Variants in DENND1A observed in about 807,000 individuals in gnomAD.
DENND1A encodes DENN domain-containing protein 1A.
In DENND1A, 51 loss-of-function variants were observed where a neutral mutation model predicts 113.7. The observed-to-expected ratio is 0.45, with a 90% CI of 0.36 to 0.57. DENND1A has a LOEUF of 0.57. DENND1A is among the 20% of genes least tolerant of loss of function. The probability of loss-of-function intolerance (pLI) is 0.00; values close to 1 mark genes in which losing one functional copy is unlikely to be tolerated. For missense variants in DENND1A, 1,258 were observed against 1,395.9 expected, an observed-to-expected ratio of 0.90 and a Z score of 1.57; for synonymous variants, 565 against 570.8, an observed-to-expected ratio of 0.99 and a Z score of 0.14.
intron 2 of DENND1A, among the ~76,000 whole-genome samples, chr9:123,852,431 T>C (rs1011855966): frequency 2.6e-5 from 4 of 152,172 alleles, no homozygotes; most frequent in Non-Finnish European, 5.9e-5. Flanking sequence ...CTGTCTCTAT[T>C]TATCCCAAAT....
At chr9:123,384,748 G>A (rs940080757) in intron 22 of DENND1A, among the ~76,000 whole-genome samples, 5 of 152,168 alleles carry the variant, frequency 3.3e-5, no homozygotes, top group African/African-American at 1.2e-4. Context: ...AGGAGTTCGA[G>A]ACCAGCCTGA....
intron 10 of DENND1A, among the ~76,000 whole-genome samples, chr9:123,619,026 C>T (rs1295278440): frequency 1.3e-5 from 2 of 152,210 alleles, no homozygotes; most frequent in South Asian, 2.1e-4. Flanking sequence ...CAGCTCACTG[C>T]AACCTCCACC....
chr9:123,664,345 TTC>T lies in DENND1A; in HGVS notation c.507+2679_507+2680del, dbSNP rs2063392500. On this transcript the variant is annotated intron_variant, in intron 8 of 23. Transcript: ENST00000394215. Reference sequence around the variant, plus strand: ...ATCATTTGTCTTTTTCTAGAAAATTTTCTCTTTTCACAATCTTTAAATTTATT... The same window carrying T: ...ATCATTTGTCTTTTTCTAGAAAATTTTCTTTTCACAATCTTTAAATTTATT... Among the ~76,000 whole-genome samples, 3 of 152,182 alleles carry T rather than the reference TTC, an allele frequency of 2.0e-5. No individual in the cohort carries two copies. The South Asian group carries it at 6.2e-4, about 32-fold the overall frequency.
rs543700124 is a variant in DENND1A at position 123,810,334 on chromosome 9, G to C, written c.89-17704C>G. Among the ~76,000 whole-genome samples, 3 of 152,228 alleles carry C rather than the reference G, an allele frequency of 2.0e-5. No individual in the cohort carries two copies. The South Asian group carries it at 6.2e-4, about 32-fold the overall frequency. On this transcript the variant is annotated intron_variant, in intron 2 of 23. Coordinates refer to ENST00000394215, the MANE Select transcript of DENND1A (RefSeq NM_001352964.2). ...ACTCTGCATCCATGCTGACTGACAG[G>C]TGAGATGCCAGGGCTTGAGAAGCAG...
chr9:123,685,492 A>G (rs554089322), intron 5 of DENND1A, among the ~76,000 whole-genome samples: 1 of 152,350 alleles, frequency 6.6e-6, no homozygotes, highest in Non-Finnish European at 1.5e-5. Flanking sequence ...AACTCCCATA[A>G]AACATCTGTG....
chr9:123,682,293 T>TTCTA (rs1248532157), intron 5 of DENND1A, among the ~76,000 whole-genome samples: 2 of 152,346 alleles, frequency 1.3e-5, no homozygotes, highest in East Asian at 3.9e-4. Flanking sequence ...GATGATACAA[T>TTCTA]GAAGCAGTGC....
intron 1 of DENND1A, among the ~76,000 whole-genome samples, chr9:123,904,048 A>G (rs1353913599): frequency 2.0e-5 from 3 of 152,058 alleles, no homozygotes; most frequent in Non-Finnish European, 2.9e-5. Flanking sequence ...CTGCCTCCTC[A>G]AGTGGTTCCC....
chr9:123,762,316 G>A (rs936440808), intron 4 of DENND1A, among the ~76,000 whole-genome samples: 7 of 152,206 alleles, frequency 4.6e-5, no homozygotes, highest in Admixed American at 6.5e-5. Context: ...GTAGCTTCCC[G>A]TGCCTAGGTG....
At chr9:123,494,713 CTA>C (rs2051704661) in intron 13 of DENND1A, among the ~76,000 whole-genome samples, 1 of 152,202 alleles carries the variant, frequency 6.6e-6, no homozygotes, top group Admixed American at 6.5e-5. Context: ...CACCTTCTAA[CTA>C]TTCAATAAGC....
chr9:123,609,568 A>T (rs2060319636), intron 10 of DENND1A, 87 bp from the exon 11 acceptor site: 2 of 1,480,522 alleles, frequency 1.4e-6, no homozygotes, highest in African/African-American at 1.4e-5. Flanking sequence ...TTGGAGAAAA[A>T]CTGTTTTAAT....
At chr9:123,860,150 G>A (rs1224621692) in intron 2 of DENND1A, among the ~76,000 whole-genome samples, 1 of 152,168 alleles carries the variant, frequency 6.6e-6, no homozygotes, top group Non-Finnish European at 1.5e-5. Flanking sequence ...AATCTGCAAC[G>A]TTACGTTGTC....
At chr9:123,481,291 G>A (rs2050315082) in intron 13 of DENND1A, among the ~76,000 whole-genome samples, 2 of 152,212 alleles carry the variant, frequency 1.3e-5, no homozygotes, top group South Asian at 2.1e-4. Context: ...AGTTGGTGGA[G>A]GTGGCAATGG....
At chr9:123,464,927 T>C (rs980027669) in intron 13 of DENND1A, among the ~76,000 whole-genome samples, 4 of 147,592 alleles carry the variant, frequency 2.7e-5, no homozygotes, top group Non-Finnish European at 5.9e-5. Flanking sequence ...GGCAGGCGAA[T>C]TGTCTGAGGT....
chr9:123,497,919 A>C (rs1282321196), intron 13 of DENND1A, among the ~76,000 whole-genome samples: 1 of 152,170 alleles, frequency 6.6e-6, no homozygotes, highest in African/African-American at 2.4e-5. Flanking sequence ...CAAAAGGAGC[A>C]GTTACTTCAT....
chr9:123,685,339 G>C (rs548160760), intron 5 of DENND1A, among the ~76,000 whole-genome samples: 1 of 152,280 alleles, frequency 6.6e-6, no homozygotes, highest in East Asian at 1.9e-4. Flanking sequence ...ACTGTAAATT[G>C]ATTACGATAT....
At chr9:123,556,346 A>G (rs1462783008) in intron 13 of DENND1A, among the ~76,000 whole-genome samples, 1 of 152,276 alleles carries the variant, frequency 6.6e-6, no homozygotes, top group East Asian at 1.9e-4. Flanking sequence ...CACAGAGAGC[A>G]GGTCCTGGGT....
intron 19 of DENND1A, among the ~76,000 whole-genome samples, chr9:123,419,917 C>G (rs1189364733): frequency 6.6e-6 from 1 of 152,190 alleles, no homozygotes; most frequent in Non-Finnish European, 1.5e-5. Context: ...AGAGCTTCAG[C>G]CAGGGCAGCT....
intron 2 of DENND1A, among the ~76,000 whole-genome samples, chr9:123,793,529 A>G (rs1438208475): frequency 2.6e-5 from 4 of 152,230 alleles, no homozygotes; most frequent in African/African-American, 9.6e-5. Context: ...TATTTGAGAA[A>G]TCATGTATCA....
intron 2 of DENND1A, among the ~76,000 whole-genome samples, chr9:123,850,657 C>A (rs565656684): frequency 6.6e-6 from 1 of 152,144 alleles, no homozygotes; most frequent in African/African-American, 2.4e-5. Context: ...TGGCCTTGGA[C>A]AGATTACATA....
Sources: gnomAD v4.1 joint callset for allele counts (sites outside exome capture counted in the v4.1 genomes callset) on GRCh38, gnomAD v4.1.1 for gene constraint, MANE v1.5 for transcripts, NCBI Gene and HGNC (gene_info 2026-07-23, HGNC 2026-07-21) for gene names.